DPP10: variants seen among roughly 807,000 people sequenced by gnomAD.
The protein encoded by DPP10 is dipeptidyl peptidase like 10, also known as inactive dipeptidyl peptidase 10.
Under a neutral mutation model 120.9 loss-of-function variants are expected in DPP10, and 33 were observed. The observed-to-expected ratio is 0.27, with a 90% confidence interval of 0.21 to 0.37. The LOEUF is 0.37. Among genes scored for constraint, DPP10 ranks in the 10% least tolerant of loss-of-function variants. DPP10 has a pLI of 1.00. For synonymous variants in DPP10, 337 were observed against 326.1 expected, an observed-to-expected ratio of 1.03 and a Z score of -0.36; for missense variants, 816 against 942.8, an observed-to-expected ratio of 0.87 and a Z score of 1.76.
At chr2:115,503,147 T>C (rs1190773869) in intron 4 of DPP10, among the ~76,000 whole-genome samples, 1 of 152,162 alleles carries the variant, frequency 6.6e-6, no homozygotes, top group Non-Finnish European at 1.5e-5. Context: ...AATTCATATA[T>C]GGCAGCAGAA....
chr2:115,727,298 A>T (rs1270209698), intron 7 of DPP10, among the ~76,000 whole-genome samples: 1 of 152,092 alleles, frequency 6.6e-6, no homozygotes, highest in Non-Finnish European at 1.5e-5. Context: ...ATTCAAAGGA[A>T]TTTTAGTATC....
intron 1 of DPP10, among the ~76,000 whole-genome samples, chr2:114,661,093 G>A (rs1697365523): frequency 6.6e-6 from 1 of 152,114 alleles, no homozygotes; most frequent in Non-Finnish European, 1.5e-5. Context: ...ATAGTTTCTG[G>A]AGAATTCTGC....
chr2:114,740,434 C>T (rs548440596), intron 1 of DPP10, among the ~76,000 whole-genome samples: 1 of 148,898 alleles, frequency 6.7e-6, no homozygotes, highest in Non-Finnish European at 1.5e-5. Flanking sequence ...GTGCAGCACA[C>T]CAGCATGGCA....
chr2:115,642,441 G>A (rs1440965652), intron 5 of DPP10, among the ~76,000 whole-genome samples: 1 of 152,096 alleles, frequency 6.6e-6, no homozygotes, highest in African/African-American at 2.4e-5. Context: ...AATGCTGCCA[G>A]CCAACTACCT....
intron 21 of DPP10, 56 bp downstream of exon 21, chr2:115,815,785 T>G: frequency 9.5e-6 from 14 of 1,473,458 alleles, no homozygotes; most frequent in South Asian, 1.2e-5. Flanking sequence ...TTATGTAATA[T>G]CCTATTACAC....
intron 1 of DPP10, among the ~76,000 whole-genome samples, chr2:115,229,647 A>G (rs1490785496): frequency 1.3e-5 from 2 of 152,066 alleles, no homozygotes; most frequent in Non-Finnish European, 2.9e-5. Flanking sequence ...CCTTTGTCGA[A>G]AATGAATTCA....
rs539927350 is a variant in DPP10, at chr2:114,940,177, C to T, written c.61-369062C>T. On this transcript the variant is annotated intron_variant, in intron 1 of 25. Coordinates refer to ENST00000410059, the MANE Select transcript of DPP10 (RefSeq NM_020868.6). ...CTCTCCTTTCAAAAGCATTGATAATCGAAGGTTAATGCACAATCGAATTTT... is the reference window on the plus strand; with the variant it reads ...CTCTCCTTTCAAAAGCATTGATAATTGAAGGTTAATGCACAATCGAATTTT... Among the ~76,000 whole-genome samples, 48 of 152,204 alleles carry T rather than the reference C, an allele frequency of 3.2e-4. 1 individual carries two copies. In the Middle Eastern group the frequency reaches 0.017, roughly 54 times the overall value.
At chr2:115,461,536 A>G (rs542056151) in intron 3 of DPP10, among the ~76,000 whole-genome samples, 1 of 152,222 alleles carries the variant, frequency 6.6e-6, no homozygotes, top group East Asian at 1.9e-4. Context: ...TTCTCACCAC[A>G]CTTATAAGCA....
At position 115,535,565 on chromosome 2, in the gene DPP10, C is replaced by T. The variant is rs1186434116; in HGVS notation, c.441+9593C>T. On this transcript the variant is annotated intron_variant, in intron 5 of 25. Transcript: ENST00000410059. ...GTAGTGTGATGCCTCCAGCTTTGTTCTTTTGGCTTAGGATTGACTTGGTGA... is the reference window on the plus strand; with the variant it reads ...GTAGTGTGATGCCTCCAGCTTTGTTTTTTTGGCTTAGGATTGACTTGGTGA... 4.6e-5 allele frequency among the ~76,000 whole-genome samples: 7 copies of T among 150,600 alleles called. No homozygotes were observed. The East Asian group carries it at 1.4e-3, about 29-fold the overall frequency.
chr2:114,461,892 G>A (rs1028175127), intron 1 of DPP10: 2 of 985,510 alleles, frequency 2.0e-6, no homozygotes, highest in Non-Finnish European at 2.4e-6. Context: ...GGTGGAGAGA[G>A]GGAGGGAGAT....
chr2:114,514,026 G>T (rs1221351018), intron 1 of DPP10, among the ~76,000 whole-genome samples: 2 of 152,154 alleles, frequency 1.3e-5, no homozygotes, highest in Non-Finnish European at 2.9e-5. Context: ...GTTATCCAAG[G>T]CATCTTTCCT....
In DPP10 at chr2:115,018,005, TA is replaced by T. The variant is rs570028712; in HGVS notation, c.61-291223del. Reference sequence around the variant, plus strand: ...TACGCTAGAACTTAAAGTATAATAATAAAAAAAAAAAGAGAAAAACAACCCC... The same window carrying T: ...TACGCTAGAACTTAAAGTATAATAATAAAAAAAAAAGAGAAAAACAACCCC... On this transcript the variant is annotated intron_variant, in intron 1 of 25. Coordinates refer to ENST00000410059, the MANE Select transcript of DPP10 (RefSeq NM_020868.6). Among the ~76,000 whole-genome samples the T allele has an allele frequency of 9.6e-3, 1,276 of 133,120 alleles. 16 individuals carry two copies. The highest frequency in any genetic ancestry group is 0.013 in the Non-Finnish European group (807 of 61,282). 87.3% of individuals were successfully genotyped at this position (133,120 alleles called of 152,430 possible).
At chr2:115,394,403 T>C (rs369595444) in intron 3 of DPP10, among the ~76,000 whole-genome samples, 19 of 148,544 alleles carry the variant, frequency 1.3e-4, no homozygotes, top group African/African-American at 4.0e-4. Context: ...TGAGAGATGT[T>C]AAAATTCTTT....
At chr2:115,043,063 C>T (rs1559028117) in intron 1 of DPP10, among the ~76,000 whole-genome samples, 1 of 152,110 alleles carries the variant, frequency 6.6e-6, no homozygotes, top group Non-Finnish European at 1.5e-5. Context: ...TTTTCCCTGG[C>T]CCAGTGGTGC....
chr2:114,572,108 A>G, intron 1 of DPP10, among the ~76,000 whole-genome samples: 1 of 151,762 alleles, frequency 6.6e-6, no homozygotes, highest in African/African-American at 2.4e-5. Context: ...TCTCACATAC[A>G]CAAACATGTA....
At chr2:115,842,153 T>C (rs1690215003) in intron 25 of DPP10, 58 bp from the exon 26 acceptor site, 3 of 1,493,638 alleles carry the variant, frequency 2.0e-6, no homozygotes, top group Middle Eastern at 1.8e-4. Context: ...AGAAAATGAA[T>C]GCGAGAGACA....
chr2:115,736,033 G>A (rs998623802), intron 8 of DPP10, among the ~76,000 whole-genome samples: 1 of 151,846 alleles, frequency 6.6e-6, no homozygotes, highest in African/African-American at 2.4e-5. Flanking sequence ...TTTTTTTGGG[G>A]GAGTTGCATA....
chr2:115,503,667 C>A (rs1218922948), intron 4 of DPP10, among the ~76,000 whole-genome samples: 2 of 152,126 alleles, frequency 1.3e-5, no homozygotes, highest in Admixed American at 6.6e-5. Context: ...TGATAGACAT[C>A]AGTAGTGTAA....
intron 5 of DPP10, among the ~76,000 whole-genome samples, chr2:115,586,656 T>G (rs569564231): frequency 1.3e-5 from 2 of 152,198 alleles, no homozygotes; most frequent in African/African-American, 4.8e-5. Flanking sequence ...AAAATACTTC[T>G]CAGTGTGATG....
Sources: allele counts gnomAD v4.1 joint callset (sites outside exome capture counted in the v4.1 genomes callset), GRCh38; gene constraint gnomAD v4.1.1; transcripts MANE v1.5; gene names NCBI Gene and HGNC (gene_info 2026-07-23, HGNC 2026-07-21).